FOCAD: variants seen among roughly 807,000 people sequenced by gnomAD.
FOCAD encodes the protein KIAA1797.
A neutral mutation model predicts 225.6 loss-of-function variants in FOCAD; 198 were observed. The ratio of observed to expected loss-of-function variants is 0.88; its 90% CI spans 0.78 to 0.99. FOCAD has a LOEUF of 0.99. Ranked by LOEUF, FOCAD falls within the 50% of genes least tolerant of loss-of-function variation. FOCAD has a pLI of 0.00. For synonymous variants in FOCAD, 897 were observed against 755.0 expected (o/e 1.19, Z -3.08); for missense variants, 2,713 against 2,123.6 (o/e 1.28, Z -5.46).
At chr9:20,829,417 GTT>G (rs11323627) in intron 15 of FOCAD, among the ~76,000 whole-genome samples, 2 of 150,130 alleles carry the variant, frequency 1.3e-5, no homozygotes, top group African/African-American at 4.9e-5. Flanking sequence ...TTTATTATCT[GTT>G]TTTTTTTCAA....
At chr9:20,907,123 A>C in intron 21 of FOCAD, 27 bp from the exon 22 acceptor site, 1 of 1,536,906 alleles carries the variant, frequency 6.5e-7, no homozygotes. Flanking sequence ...GTGTAGCCTA[A>C]TATGTTGTGG....
intron 22 of FOCAD, among the ~76,000 whole-genome samples, chr9:20,910,402 A>C (rs112594463): frequency 6.6e-6 from 1 of 152,110 alleles, no homozygotes; most frequent in Non-Finnish European, 1.5e-5. Context: ...CTAGTTGCCA[A>C]ATAACCAGAA....
intron 4 of FOCAD, 148 bp downstream of exon 4, chr9:20,720,682 A>T (rs948475774): frequency 2.6e-6 from 2 of 771,664 alleles, no homozygotes; most frequent in African/African-American, 1.8e-5. Flanking sequence ...TCATATATGA[A>T]AATATCATGC....
chr9:20,832,259 A>G (rs1825573159), intron 15 of FOCAD, among the ~76,000 whole-genome samples: 1 of 152,076 alleles, frequency 6.6e-6, no homozygotes, highest in African/African-American at 2.4e-5. Context: ...GAGGAATGCC[A>G]TACTGTTTTC....
intron 4 of FOCAD, among the ~76,000 whole-genome samples, chr9:20,734,031 A>G (rs188598002): frequency 8.1e-4 from 123 of 152,296 alleles, no homozygotes; most frequent in Non-Finnish European, 1.3e-3. Flanking sequence ...CAAACAAACA[A>G]AAAAAGTCTT....
At chr9:20,839,260 T>C (rs983540913) in intron 15 of FOCAD, among the ~76,000 whole-genome samples, 2 of 68,918 alleles carry the variant, frequency 2.9e-5, no homozygotes, top group Non-Finnish European at 6.1e-5. Context: ...TCTTTCTTTC[T>C]TTTTTTTTTT....
Position 20,981,448 on chromosome 9 carries a change from T to A in FOCAD, c.4400T>A (p.Leu1467Gln), listed in dbSNP as rs1282053008. The change falls in exon 38 of 44, where the codon CTG becomes CAG. Residue 1467 changes from leucine (L) to glutamine (Q), a missense_variant. Transcript: ENST00000338382. ...SLSLNTKRYL[L>Q]ISAPLWIKHI... is the part of the protein sequence containing the mutation. ...CAGCTGAATACCAAGAGATATCTCC[T>A]GATATCTGCACCTCTGTGGATAAAA... The A allele has an allele frequency of 1.2e-6, 2 of 1,613,932 alleles. No individual in the cohort carries two copies. Among genetic ancestry groups the A allele is most frequent in the African/African-American group, 2.7e-5 (2 of 74,932 alleles).
chr9:20,899,290 C>T (rs1172299932), intron 21 of FOCAD, among the ~76,000 whole-genome samples: 2 of 151,868 alleles, frequency 1.3e-5, no homozygotes, highest in African/African-American at 4.8e-5. Context: ...GGGACCCTCC[C>T]TATGCCTGGG....
chr9:20,992,647 T>C (rs1841769356), intron 42 of FOCAD, among the ~76,000 whole-genome samples: 1 of 152,118 alleles, frequency 6.6e-6, no homozygotes, highest in African/African-American at 2.4e-5. Flanking sequence ...TCTGGGCCCA[T>C]GTCTACCTCC....
chr9:20,773,863 G>A (rs1336571459), intron 8 of FOCAD, among the ~76,000 whole-genome samples: 3 of 152,142 alleles, frequency 2.0e-5, no homozygotes, highest in Non-Finnish European at 4.4e-5. Flanking sequence ...ACCGTATGGT[G>A]CCCTTTAATA....
chr9:20,994,276 CGTAAAACTTAT>C (rs1329083505), intron 43 of FOCAD, among the ~76,000 whole-genome samples: 21 of 152,118 alleles, frequency 1.4e-4, no homozygotes, highest in Non-Finnish European at 2.5e-4. Flanking sequence ...AAGATCTTTC[CGTAAAACTTAT>C]GTAGATTATT....
chr9:20,763,732 G>A (rs1014724330), intron 6 of FOCAD, among the ~76,000 whole-genome samples: 4 of 152,150 alleles, frequency 2.6e-5, no homozygotes, highest in African/African-American at 9.7e-5. Context: ...TGAATGAAGA[G>A]CAAGAAATGA....
chr9:20,884,385 A>G (rs1423829288), intron 20 of FOCAD, among the ~76,000 whole-genome samples: 1 of 152,022 alleles, frequency 6.6e-6, no homozygotes, highest in African/African-American at 2.4e-5. Flanking sequence ...TGCAACCTCC[A>G]CTGCTAGTTC....
chr9:20,777,873 C>A (rs1275326600), intron 8 of FOCAD, among the ~76,000 whole-genome samples: 1 of 151,786 alleles, frequency 6.6e-6, no homozygotes, highest in African/African-American at 2.4e-5. Flanking sequence ...GAGGCCGAGG[C>A]GGGCGGATCA....
chr9:20,873,203 G>C (rs1319747872), intron 18 of FOCAD, among the ~76,000 whole-genome samples: 1 of 152,034 alleles, frequency 6.6e-6, no homozygotes, highest in East Asian at 1.9e-4. Context: ...AAACTCCTAG[G>C]CCATGTAGTA....
intron 1 of FOCAD, among the ~76,000 whole-genome samples, chr9:20,687,864 T>C (rs1464534004): frequency 6.6e-6 from 1 of 152,106 alleles, no homozygotes; most frequent in African/African-American, 2.4e-5. Flanking sequence ...TAGTGGGGGA[T>C]AGAGAAAACT....
intron 19 of FOCAD, 86 bp downstream of exon 19, chr9:20,874,893 A>G (rs1311807908): frequency 6.6e-6 from 10 of 1,519,738 alleles, no homozygotes; most frequent in South Asian, 1.1e-5. Context: ...GGTACATAGT[A>G]TAGTTTAACC....
chr9:20,726,534 ATAAAGTGTAT>A (rs1473850364), intron 4 of FOCAD: 3 of 152,208 alleles, frequency 2.0e-5, no homozygotes, highest in Admixed American at 6.5e-5. Flanking sequence ...ATTTGGGAAT[ATAAAGTGTAT>A]TAAAGTGTAT....
At chr9:20,866,103 A>G in intron 17 of FOCAD, 127 bp downstream of exon 17, 1 of 758,832 alleles carries the variant, frequency 1.3e-6, no homozygotes, top group East Asian at 2.9e-5. Context: ...ATTTTTAAAA[A>G]AAGTGTGATT....
Sources: allele counts gnomAD v4.1 joint callset (sites outside exome capture counted in the v4.1 genomes callset), GRCh38; gene constraint gnomAD v4.1.1; transcripts MANE v1.5; gene names NCBI Gene and HGNC (gene_info 2026-07-23, HGNC 2026-07-21).